Variants in SPRED1 observed in about 807,000 individuals in gnomAD.
The protein encoded by SPRED1 is sprouty related EVH1 domain containing 1.
Under a neutral mutation model 52.3 loss-of-function variants are expected in SPRED1, and 18 were observed. The observed-to-expected ratio is 0.34, with a 90% CI of 0.24 to 0.51. The LOEUF (loss-of-function observed/expected upper bound fraction) is 0.51. Among genes scored for constraint, SPRED1 ranks in the 20% least tolerant of loss-of-function variants. The pLI is 0.97. For synonymous variants in SPRED1, 155 were observed against 179.7 expected (o/e 0.86, Z 1.10); for missense variants, 485 against 551.0 (o/e 0.88, Z 1.20).
At chr15:38,310,115 T>TTG (rs767218956) in intron 2 of SPRED1, among the ~76,000 whole-genome samples, 874 of 23,184 alleles carry the variant, frequency 0.038, 16 homozygotes, top group African/African-American at 0.087. Context: ...AGACTATTCT[T>TTG]TGTGTGTGTG....
At chr15:38,271,578 A>C (rs1894435938) in intron 1 of SPRED1, among the ~76,000 whole-genome samples, 1 of 152,232 alleles carries the variant, frequency 6.6e-6, no homozygotes, top group South Asian at 2.1e-4. Flanking sequence ...TAGGCTTTAG[A>C]GATGAATAAA....
intron 2 of SPRED1, among the ~76,000 whole-genome samples, chr15:38,319,586 C>T (rs561315007): frequency 2.0e-5 from 3 of 152,270 alleles, no homozygotes; most frequent in African/African-American, 7.2e-5. Context: ...CTATGTTGGT[C>T]AGGATGGTCT....
In SPRED1 at chr15:38,264,553, C is replaced by T. The variant is rs1894266146; in HGVS notation, c.32+11336C>T. ...TGAAGGTTATTGGAGAAGCCAGGAT[C>T]TGCTAAAATGTTTTTTTTAAAAAAG... On this transcript the variant is annotated intron_variant, in intron 1 of 6. Transcript: ENST00000299084. Among the ~76,000 whole-genome samples, 6 of 101,996 alleles carry T rather than the reference C, an allele frequency of 5.9e-5. No homozygotes were observed. The South Asian group carries it at 2.7e-3, about 47-fold the overall frequency. 66.9% of individuals were successfully genotyped at this position (101,996 alleles called of 152,430 possible).
At chr15:38,311,903 A>G (rs1030063537) in intron 2 of SPRED1, among the ~76,000 whole-genome samples, 4 of 151,422 alleles carry the variant, frequency 2.6e-5, no homozygotes, top group African/African-American at 9.7e-5. Context: ...TTCTGTTGTC[A>G]TTTTCTTTTT....
At chr15:38,323,431 A>G (rs1381648579) in intron 3 of SPRED1, among the ~76,000 whole-genome samples, 1 of 152,128 alleles carries the variant, frequency 6.6e-6, no homozygotes, top group East Asian at 1.9e-4. Context: ...AACCTTGGCT[A>G]CACATTAAAA....
chr15:38,289,894 C>T (rs112441569), intron 1 of SPRED1, among the ~76,000 whole-genome samples: 62 of 152,164 alleles, frequency 4.1e-4, no homozygotes, highest in African/African-American at 1.3e-3. Flanking sequence ...TGTTGTAAGC[C>T]GCTAAGTTTG....
chr15:38,265,527 T>A (rs1894290438), intron 1 of SPRED1, among the ~76,000 whole-genome samples: 1 of 152,100 alleles, frequency 6.6e-6, no homozygotes, highest in East Asian at 1.9e-4. Context: ...AAAATTTATA[T>A]TGTGAAAATT....
intron 1 of SPRED1, among the ~76,000 whole-genome samples, chr15:38,259,580 C>T (rs2140947986): frequency 6.6e-6 from 1 of 152,320 alleles, no homozygotes; most frequent in South Asian, 2.1e-4. Flanking sequence ...GTATGGCCTC[C>T]ATCTGTGGAT....
At chr15:38,340,479 A>AT (rs1896005478) in intron 5 of SPRED1, among the ~76,000 whole-genome samples, 1 of 152,056 alleles carries the variant, frequency 6.6e-6, no homozygotes, top group Non-Finnish European at 1.5e-5. Context: ...TTCATCTTGG[A>AT]TTTTTAAGTC....
At chr15:38,345,063 G>A (rs1896104203) in intron 5 of SPRED1, among the ~76,000 whole-genome samples, 1 of 152,192 alleles carries the variant, frequency 6.6e-6, no homozygotes, top group African/African-American at 2.4e-5. Context: ...TTAGGATAGT[G>A]TAGCAGTTTT....
intron 4 of SPRED1, among the ~76,000 whole-genome samples, chr15:38,336,159 C>T (rs1195216881): frequency 2.0e-5 from 3 of 151,582 alleles, no homozygotes; most frequent in Admixed American, 1.3e-4. Flanking sequence ...ATGACAACAC[C>T]GTATTTCACT....
At chr15:38,348,809 T>A (rs1312363108) in intron 5 of SPRED1, among the ~76,000 whole-genome samples, 3 of 152,154 alleles carry the variant, frequency 2.0e-5, no homozygotes, top group Non-Finnish European at 4.4e-5. Flanking sequence ...ATTGATATAT[T>A]CTAGCTATAA....
chr15:38,269,033 G>A (rs1380144939), intron 1 of SPRED1, among the ~76,000 whole-genome samples: 1 of 151,050 alleles, frequency 6.6e-6, no homozygotes, highest in Non-Finnish European at 1.5e-5. Flanking sequence ...CCCGCTTCCC[G>A]GGTTCACGCT....
At chr15:38,335,504 A>G (rs1895894866) in intron 4 of SPRED1, among the ~76,000 whole-genome samples, 1 of 152,160 alleles carries the variant, frequency 6.6e-6, no homozygotes, top group African/African-American at 2.4e-5. Context: ...TATTTTATTG[A>G]CATAAAGACA....
chr15:38,331,998 A>T (rs889863256), intron 4 of SPRED1, among the ~76,000 whole-genome samples: 12 of 152,220 alleles, frequency 7.9e-5, no homozygotes, highest in African/African-American at 2.7e-4. Flanking sequence ...AATATATGAC[A>T]TATGCAATAC....
intron 5 of SPRED1, among the ~76,000 whole-genome samples, chr15:38,342,754 T>TTGTTAGCA (rs1896054446): frequency 6.6e-6 from 1 of 152,130 alleles, no homozygotes; most frequent in Admixed American, 6.6e-5. Context: ...TACCTATGTA[T>TTGTTAGCA]TAGGTTATGT....
chr15:38,312,465 C>G (rs538048431), intron 2 of SPRED1, among the ~76,000 whole-genome samples: 1 of 152,174 alleles, frequency 6.6e-6, no homozygotes, highest in African/African-American at 2.4e-5. Context: ...ATATTAATTC[C>G]TAATTAGGAG....
intron 3 of SPRED1, among the ~76,000 whole-genome samples, chr15:38,323,388 G>C (rs1355314481): frequency 6.6e-6 from 1 of 151,870 alleles, no homozygotes; most frequent in East Asian, 1.9e-4. Context: ...TTTATTGTAA[G>C]ACCCCATAAA....
At position 38,351,960 on chromosome 15, in the gene SPRED1, GCAT is replaced by G; in HGVS notation, c.*297_*299del. 2.3e-6 allele frequency: 1 copy of G among 436,196 alleles called. No homozygotes were observed. Among genetic ancestry groups the G allele is most frequent in the East Asian group, 4.5e-5 (1 of 22,450 alleles). 27.0% of individuals were successfully genotyped at this position (436,196 alleles called of 1,614,324 possible). A position where few individuals can be genotyped will look rare whatever the true frequency, so the allele number is the denominator to read the frequency against. On this transcript the variant is annotated 3_prime_UTR_variant, in exon 7 of 7. Transcript: ENST00000299084. ...TCCAACTAAAAGGGATTAATTTTTG[GCAT>G]TTTTGTATATTTATGCATTAGGTGA...
Sources: gnomAD v4.1 joint callset for allele counts (sites outside exome capture counted in the v4.1 genomes callset) on GRCh38, gnomAD v4.1.1 for gene constraint, MANE v1.5 for transcripts, NCBI Gene and HGNC (gene_info 2026-07-23, HGNC 2026-07-21) for gene names.